The following BCAS4 variants were observed in gnomAD, a reference collection of about 807,000 sequenced individuals.
BCAS4 encodes the protein breast carcinoma amplified sequence 4, also known as breast carcinoma-amplified sequence 4.
BCAS4 carries 9 observed loss-of-function variants against 15.7 expected under a neutral mutation model. The observed-to-expected ratio is 0.57, with a 90% CI of 0.34 to 1.00. The LOEUF is 1.00. Among genes scored for constraint, BCAS4 ranks in the 50% least tolerant of loss-of-function variants. The probability of loss-of-function intolerance (pLI) is 0.02; values close to 1 mark genes in which losing one functional copy is unlikely to be tolerated. For synonymous variants in BCAS4, 101 were observed against 99.5 expected (o/e 1.02, Z -0.09); for missense variants, 225 against 239.1 (o/e 0.94, Z 0.39).
intron 4 of BCAS4, among the ~76,000 whole-genome samples, chr20:50,853,539 G>A (rs763083235): frequency 8.6e-5 from 13 of 151,958 alleles, no homozygotes; most frequent in African/African-American, 1.9e-4. Context: ...AACCCCATTC[G>A]CCCTTAAGAT....
chr20:50,870,879 G>A (rs1979603800), intron 4 of BCAS4, among the ~76,000 whole-genome samples: 1 of 152,236 alleles, frequency 6.6e-6, no homozygotes, highest in South Asian at 2.1e-4. Flanking sequence ...CTGTGGCAGA[G>A]GCGGGCCTTG....
intron 1 of BCAS4, among the ~76,000 whole-genome samples, chr20:50,807,379 A>G (rs1431305065): frequency 6.6e-6 from 1 of 151,474 alleles, no homozygotes; most frequent in Non-Finnish European, 1.5e-5. Context: ...TTTTTTGTAG[A>G]GATGGGGTTT....
At position 50,818,156 on chromosome 20, in the gene BCAS4, T is replaced by C. The variant is rs1432829343; in HGVS notation, c.91-55T>C. On this transcript the variant is annotated intron_variant, in intron 1 of 4. Coordinates refer to ENST00000371608, the MANE Select transcript of BCAS4 (RefSeq NM_198799.4). The stretch of plus-strand genomic sequence containing the variant: ...TTAAAAAAAAAAAAAAAATGAAGGG[T>C]GTTTGTCTCCCTGGAAACCACTTGC... The C allele has an allele frequency of 4.9e-6, 7 of 1,428,574 alleles. No individual in the cohort carries two copies. The Admixed American group carries it at 6.2e-5, about 13-fold the overall frequency. The allele number at this position is 1,428,574 out of a possible 1,614,324, so 88.5% of individuals were successfully genotyped here. A position where few individuals can be genotyped will look rare whatever the true frequency, so the allele number is the denominator to read the frequency against.
chr20:50,800,588 C>G (rs8116190), intron 1 of BCAS4, among the ~76,000 whole-genome samples: 1 of 134,672 alleles, frequency 7.4e-6, no homozygotes, highest in Non-Finnish European at 1.5e-5. Flanking sequence ...TTTGAGACAG[C>G]CTTGTTCTTG....
intron 4 of BCAS4, among the ~76,000 whole-genome samples, chr20:50,844,754 C>A (rs562015545): frequency 2.6e-5 from 4 of 152,180 alleles, no homozygotes; most frequent in South Asian, 2.1e-4. Flanking sequence ...GGCATCCCCC[C>A]CCGGGGTGTG....
chr20:50,825,909 C>T (rs1464043287), intron 2 of BCAS4, among the ~76,000 whole-genome samples: 3 of 151,842 alleles, frequency 2.0e-5, no homozygotes, highest in Non-Finnish European at 2.9e-5. Flanking sequence ...ACTAAATAAA[C>T]AAAAATAAGG....
intron 3 of BCAS4, among the ~76,000 whole-genome samples, chr20:50,841,140 A>C (rs1364109445): frequency 1.3e-5 from 2 of 152,066 alleles, no homozygotes; most frequent in Non-Finnish European, 2.9e-5. Context: ...TTCTTCTTGA[A>C]ACTGGCAGCT....
At chr20:50,865,890 T>C (rs577212007) in intron 4 of BCAS4, among the ~76,000 whole-genome samples, 85 of 150,616 alleles carry the variant, frequency 5.6e-4, no homozygotes, top group African/African-American at 1.9e-3. Context: ...GCTGTCAGAG[T>C]GTTCTGGAAG....
chr20:50,812,990 ATTT>A (rs1163908597), intron 1 of BCAS4, among the ~76,000 whole-genome samples: 1 of 148,816 alleles, frequency 6.7e-6, no homozygotes, highest in Admixed American at 6.7e-5. Flanking sequence ...TAATTTTTGT[ATTT>A]TTTTTTGTAG....
chr20:50,840,026 C>T (rs2088457060), intron 3 of BCAS4, among the ~76,000 whole-genome samples: 1 of 151,962 alleles, frequency 6.6e-6, no homozygotes, highest in African/African-American at 2.4e-5. Context: ...AGGCACATGC[C>T]ACCATGCCTG....
intron 3 of BCAS4, among the ~76,000 whole-genome samples, chr20:50,832,438 C>T (rs2088355090): frequency 1.3e-5 from 2 of 151,768 alleles, no homozygotes; most frequent in South Asian, 2.1e-4. Context: ...TTGTATTTTT[C>T]GTAGAGACAG....
intron 3 of BCAS4, among the ~76,000 whole-genome samples, chr20:50,834,986 C>T (rs994670506): frequency 1.3e-5 from 2 of 152,158 alleles, no homozygotes; most frequent in Admixed American, 6.5e-5. Context: ...TTTCACTTTA[C>T]GGCTGTCGTA....
At chr20:50,841,603 C>T (rs969603613) in intron 3 of BCAS4, among the ~76,000 whole-genome samples, 163 bp from the exon 4 acceptor site, 1 of 152,146 alleles carries the variant, frequency 6.6e-6, no homozygotes, top group African/African-American at 2.4e-5. Context: ...TCTGCAGGTG[C>T]CCCTCCAGCT....
intron 3 of BCAS4, chr20:50,840,766 C>T (rs1459124699): frequency 1.5e-5 from 24 of 1,582,658 alleles, no homozygotes; most frequent in South Asian, 2.2e-5. Flanking sequence ...GGAGGAGAAG[C>T]GGAGCGAGGC....
chr20:50,816,549 C>T (rs1204453791), intron 1 of BCAS4, among the ~76,000 whole-genome samples: 1 of 152,180 alleles, frequency 6.6e-6, no homozygotes, highest in Admixed American at 6.5e-5. Flanking sequence ...TTCCTGATGG[C>T]AGCTAGTGGC....
chr20:50,860,998 A>G (rs1020247375), intron 4 of BCAS4, among the ~76,000 whole-genome samples: 10 of 128,548 alleles, frequency 7.8e-5, no homozygotes, highest in Admixed American at 1.5e-4. Context: ...CGGTCTCTGG[A>G]AAAAAAAAAA....
intron 4 of BCAS4, among the ~76,000 whole-genome samples, chr20:50,871,912 G>A (rs6096135): frequency 0.35 from 53,419 of 152,130 alleles, 11,236 homozygotes; most frequent in African/African-American, 0.6. Flanking sequence ...TGAGCTGTGG[G>A]GGAGGTGGGG....
chr20:50,796,838 T>C (rs1453146905), intron 1 of BCAS4, among the ~76,000 whole-genome samples: 1 of 93,302 alleles, frequency 1.1e-5, no homozygotes, highest in Non-Finnish European at 2.0e-5. Flanking sequence ...ACGTTTTTAA[T>C]TTTTTTTTTT....
chr20:50,818,863 A>G (rs968663748), intron 2 of BCAS4, among the ~76,000 whole-genome samples: 13 of 152,194 alleles, frequency 8.5e-5, no homozygotes, highest in Non-Finnish European at 1.8e-4. Flanking sequence ...CAGAAGACAA[A>G]GCCTCCCACG....
Sources: gnomAD v4.1 joint callset for allele counts (sites outside exome capture counted in the v4.1 genomes callset) on GRCh38, gnomAD v4.1.1 for gene constraint, MANE v1.5 for transcripts, NCBI Gene and HGNC (gene_info 2026-07-23, HGNC 2026-07-21) for gene names.